Variants in SEMA5B observed in about 807,000 individuals in gnomAD.
The protein encoded by SEMA5B is semaphorin 5B, also known as semaphorin-5B.
A neutral mutation model predicts 135.0 loss-of-function variants in SEMA5B; 66 were observed. That is an observed-to-expected ratio of 0.49 (90% CI 0.40 to 0.60). The LOEUF is 0.60. SEMA5B is among the 20% of genes least tolerant of loss of function. The pLI is 0.00. For synonymous variants in SEMA5B, 690 were observed against 639.5 expected (o/e 1.08, Z -1.19); for missense variants, 1,501 against 1,566.3 (o/e 0.96, Z 0.70).
intron 2 of SEMA5B, among the ~76,000 whole-genome samples, chr3:122,951,105 G>A (rs982397347): frequency 3.9e-5 from 6 of 152,120 alleles, no homozygotes; most frequent in African/African-American, 1.2e-4. Flanking sequence ...GGCTAGAGGG[G>A]CATGCTCTGT....
chr3:123,010,704 G>A (rs1576408005), intron 1 of SEMA5B, among the ~76,000 whole-genome samples: 1 of 151,538 alleles, frequency 6.6e-6, no homozygotes, highest in African/African-American at 2.4e-5. Context: ...CAGCTACTCA[G>A]GAGGCTGAGG....
At chr3:122,965,054 G>A (rs1940759483) in intron 1 of SEMA5B, among the ~76,000 whole-genome samples, 1 of 152,138 alleles carries the variant, frequency 6.6e-6, no homozygotes, top group South Asian at 2.1e-4. Context: ...GTAGCTTTGT[G>A]ACTGGCTTAC....
intron 14 of SEMA5B, 51 bp downstream of exon 14, chr3:122,915,389 C>G: frequency 1.3e-6 from 2 of 1,537,856 alleles, no homozygotes; most frequent in Non-Finnish European, 1.8e-6. Context: ...TTCCCTAGTT[C>G]TCCCCACCCT....
chr3:123,003,438 TAA>T (rs78222078), intron 1 of SEMA5B, among the ~76,000 whole-genome samples: 1 of 147,768 alleles, frequency 6.8e-6, no homozygotes, highest in African/African-American at 2.5e-5. Flanking sequence ...ACTTTAGAGA[TAA>T]AAAAAAAAAT....
At position 122,912,918 on chromosome 3, in the gene SEMA5B, C is replaced by G; in HGVS notation, c.2650G>C (p.Glu884Gln). The change falls in exon 18 of 23, where the codon GAG becomes CAG. Residue 884 changes from glutamate (E) to glutamine (Q), a missense_variant. Glu to Gln is a conservative substitution (Grantham distance 29). Coordinates refer to ENST00000357599, the MANE Select transcript of SEMA5B (RefSeq NM_001031702.4). ...RVRKRTCTNPEPRNGGLPCVG... is the reference protein window; with the variant it reads ...RVRKRTCTNPQPRNGGLPCVG... The stretch of plus-strand genomic sequence containing the variant: ...CAGGGCAGGCCCCCGTTGCGGGGCT[C>G]CGGGTTAGTGCACGTTCTCTTGCGG... 1 of 1,612,170 alleles carries G rather than the reference C, an allele frequency of 6.2e-7. No homozygotes were observed.
intron 5 of SEMA5B, among the ~76,000 whole-genome samples, chr3:122,935,482 A>G (rs1159506917): frequency 2.0e-5 from 3 of 152,146 alleles, no homozygotes; most frequent in Non-Finnish European, 2.9e-5. Context: ...ATTGCTGTTC[A>G]GGATGGGACA....
intron 1 of SEMA5B, 37 bp from the exon 2 acceptor site, chr3:122,961,338 T>A (rs1170923212): frequency 3.2e-6 from 5 of 1,587,070 alleles, no homozygotes; most frequent in Non-Finnish European, 4.3e-6. Flanking sequence ...CATGGATACA[T>A]GATGAACCAG....
At chr3:122,940,225 AG>A (rs1219971954) in intron 4 of SEMA5B, among the ~76,000 whole-genome samples, 5 of 152,232 alleles carry the variant, frequency 3.3e-5, no homozygotes, top group African/African-American at 1.2e-4. Flanking sequence ...ACACTTATTG[AG>A]TATCATAAGT....
At chr3:122,995,799 A>C (rs1195203583) in intron 1 of SEMA5B, among the ~76,000 whole-genome samples, 1 of 152,124 alleles carries the variant, frequency 6.6e-6, no homozygotes, top group East Asian at 1.9e-4. Context: ...ATGAGACCAG[A>C]TTTGTGGTCT....
chr3:122,915,228 C>T (rs1423471934), intron 14 of SEMA5B, among the ~76,000 whole-genome samples: 1 of 152,220 alleles, frequency 6.6e-6, no homozygotes, highest in Non-Finnish European at 1.5e-5. Context: ...TCAAGAGTCA[C>T]CAAGAGATAG....
chr3:122,998,570 G>T (rs1259648753), intron 1 of SEMA5B, among the ~76,000 whole-genome samples: 1 of 152,180 alleles, frequency 6.6e-6, no homozygotes, highest in Non-Finnish European at 1.5e-5. Context: ...CTGCAGAGCT[G>T]CCAGAATTCC....
chr3:122,978,138 AGG>A (rs1941394020), intron 1 of SEMA5B, among the ~76,000 whole-genome samples: 1 of 152,228 alleles, frequency 6.6e-6, no homozygotes, highest in African/African-American at 2.4e-5. Flanking sequence ...TTATAGGCAG[AGG>A]GCAACTCCAC....
intron 1 of SEMA5B, among the ~76,000 whole-genome samples, chr3:122,987,034 C>A (rs565069177): frequency 6.6e-6 from 1 of 152,132 alleles, no homozygotes; most frequent in South Asian, 2.1e-4. Context: ...TCCTTGGAGA[C>A]CAGAGAAAGG....
At chr3:122,938,047 G>A (rs750482680) in intron 5 of SEMA5B, among the ~76,000 whole-genome samples, 1 of 152,228 alleles carries the variant, frequency 6.6e-6, no homozygotes, top group African/African-American at 2.4e-5. Flanking sequence ...ACAAGATGCT[G>A]CTTCTGGGGA....
intron 1 of SEMA5B, among the ~76,000 whole-genome samples, chr3:123,019,470 T>C (rs1385923222): frequency 6.6e-6 from 1 of 152,112 alleles, no homozygotes; most frequent in Non-Finnish European, 1.5e-5. Flanking sequence ...ATGCATTTGG[T>C]CCCAGCTACT....
At chr3:123,026,831 G>A (rs1407812532) in intron 1 of SEMA5B, among the ~76,000 whole-genome samples, 2 of 152,206 alleles carry the variant, frequency 1.3e-5, no homozygotes, top group Admixed American at 6.5e-5. Flanking sequence ...CCTCCCAGCC[G>A]GGAGTGCGGG....
At chr3:122,943,287 G>T in intron 4 of SEMA5B, 149 bp downstream of exon 4, 1 of 592,558 alleles carries the variant, frequency 1.7e-6, no homozygotes, top group Non-Finnish European at 3.0e-6. Flanking sequence ...CCTCCTGTGG[G>T]GGGACAGACA....
At chr3:122,972,769 C>A (rs990790261) in intron 1 of SEMA5B, among the ~76,000 whole-genome samples, 8 of 152,218 alleles carry the variant, frequency 5.3e-5, no homozygotes, top group Non-Finnish European at 8.8e-5. Context: ...ACGATGCCAT[C>A]AGATTCCCTG....
chr3:122,927,992 G>A lies in SEMA5B; in HGVS notation c.648C>T (p.Leu216=). The change falls in exon 8 of 23, where the codon CTC becomes CTT. Residue 216 remains leucine (L), a synonymous_variant. Transcript: ENST00000357599. ...PMCTSRQVGN[L]SRTIEKINGV... ...CATTGATCTTCTCAATAGTCCGGCT[G>A]AGGTTCCCCACCTGGGGACAATGGG... The A allele has an allele frequency of 6.8e-7, 1 of 1,474,886 alleles. No homozygotes were observed. The highest frequency in any genetic ancestry group is 1.5e-5 in the South Asian group (1 of 68,178). The allele number at this position is 1,474,886 out of a possible 1,614,324, so 91.4% of individuals were successfully genotyped here.
Sources: allele counts gnomAD v4.1 joint callset (sites outside exome capture counted in the v4.1 genomes callset), GRCh38; gene constraint gnomAD v4.1.1; transcripts MANE v1.5; gene names NCBI Gene and HGNC (gene_info 2026-07-23, HGNC 2026-07-21).